CACNB2: variants seen among roughly 807,000 people sequenced by gnomAD.
The protein encoded by CACNB2 is calcium voltage-gated channel auxiliary subunit beta 2, also known as voltage-dependent L-type calcium channel subunit beta-2.
Under a neutral mutation model 73.3 loss-of-function variants are expected in CACNB2, and 42 were observed. The observed-to-expected ratio is 0.57, with a 90% CI of 0.45 to 0.74. The LOEUF (loss-of-function observed/expected upper bound fraction) is 0.74. Among genes scored for constraint, CACNB2 ranks in the 30% least tolerant of loss-of-function variants. The pLI is 0.00. For synonymous variants in CACNB2, 348 were observed against 310.3 expected (o/e 1.12, Z -1.28); for missense variants, 940 against 853.0 (o/e 1.10, Z -1.27).
chr10:18,317,369 T>C (rs1022253645), intron 2 of CACNB2, among the ~76,000 whole-genome samples: 1 of 152,124 alleles, frequency 6.6e-6, no homozygotes, highest in Non-Finnish European at 1.5e-5. Context: ...AAGAACCCAA[T>C]AGATGGTTTT....
intron 2 of CACNB2, among the ~76,000 whole-genome samples, chr10:18,240,427 T>C (rs1341122876): frequency 6.6e-6 from 1 of 152,166 alleles, no homozygotes; most frequent in Non-Finnish European, 1.5e-5. Context: ...GGCTCAACTG[T>C]ACAGTTTTAT....
At chr10:18,171,238 G>A (rs1449517230) in intron 2 of CACNB2, among the ~76,000 whole-genome samples, 2 of 152,166 alleles carry the variant, frequency 1.3e-5, no homozygotes, top group African/African-American at 4.8e-5. Flanking sequence ...CTCCAGCCAA[G>A]AAATGTAGGG....
intron 3 of CACNB2, among the ~76,000 whole-genome samples, chr10:18,430,475 A>T (rs2045834433): frequency 6.6e-6 from 1 of 152,066 alleles, no homozygotes; most frequent in Non-Finnish European, 1.5e-5. Flanking sequence ...AAAAAAAATT[A>T]ATTAATTAAC....
chr10:18,333,059 A>G (rs1057252430), intron 2 of CACNB2, among the ~76,000 whole-genome samples: 3 of 152,178 alleles, frequency 2.0e-5, no homozygotes, highest in African/African-American at 7.2e-5. Context: ...TTGAAGTGGC[A>G]GCTTTCATGA....
intron 2 of CACNB2, among the ~76,000 whole-genome samples, chr10:18,223,312 C>T (rs1056870226): frequency 6.6e-6 from 1 of 152,156 alleles, no homozygotes; most frequent in African/African-American, 2.4e-5. Flanking sequence ...AACTCCACAG[C>T]ACTGCAGAAG....
chr10:18,519,066 G>C (rs910252389), intron 9 of CACNB2, 98 bp downstream of exon 9: 7 of 946,392 alleles, frequency 7.4e-6, no homozygotes, highest in Admixed American at 3.4e-5. Context: ...ATGGCCCTCT[G>C]ATGTCTATAT....
At chr10:18,372,398 G>A (rs147985808) in intron 2 of CACNB2, among the ~76,000 whole-genome samples, 1 of 152,042 alleles carries the variant, frequency 6.6e-6, no homozygotes, top group Non-Finnish European at 1.5e-5. Flanking sequence ...TAAGGAAGGG[G>A]TCCAGTTTCA....
intron 3 of CACNB2, among the ~76,000 whole-genome samples, chr10:18,441,723 C>A (rs945314305): frequency 6.6e-6 from 1 of 152,158 alleles, no homozygotes; most frequent in Admixed American, 6.5e-5. Flanking sequence ...CAGCCTTGAT[C>A]TCCTGGGTTC....
chr10:18,407,918 C>G (rs1227665317), intron 3 of CACNB2, among the ~76,000 whole-genome samples: 3 of 151,942 alleles, frequency 2.0e-5, no homozygotes, highest in African/African-American at 4.8e-5. Context: ...GTTTATTAAG[C>G]TTCTTTAATA....
At chr10:18,513,063 A>G (rs555400725) in intron 6 of CACNB2, 1 of 155,670 alleles carries the variant, frequency 6.4e-6, no homozygotes, top group Admixed American at 6.6e-5. Context: ...GCTATAGTGG[A>G]TCACACCGGC....
intron 2 of CACNB2, among the ~76,000 whole-genome samples, chr10:18,170,959 G>A (rs1401504825): frequency 6.6e-6 from 1 of 152,134 alleles, no homozygotes; most frequent in Non-Finnish European, 1.5e-5. Flanking sequence ...TAATTCAATG[G>A]AAGAGAAGAT....
chr10:18,498,385 A>G lies in CACNB2; in HGVS notation c.364A>G (p.Asn122Asp). The G allele has an allele frequency of 6.2e-7, 1 of 1,614,158 alleles. No individual in the cohort carries two copies. Among genetic ancestry groups the G allele is most frequent in the Non-Finnish European group, 8.5e-7 (1 of 1,180,012 alleles). ...GCCCGTTGCATTTGCGGTTCGGACA[A>G]ATGTCAGCTACAGTGCGGCCCATGA... ...TKPVAFAVRT[N>D]VSYSAAHEDD... Residue 122 changes from asparagine to aspartate, a missense_variant, in exon 4 of 14, where the codon AAT becomes GAT. Coordinates refer to ENST00000324631, the MANE Select transcript of CACNB2 (RefSeq NM_201596.3).
At chr10:18,292,595 G>A (rs755023890) in intron 2 of CACNB2, among the ~76,000 whole-genome samples, 3 of 152,170 alleles carry the variant, frequency 2.0e-5, no homozygotes, top group South Asian at 2.1e-4. Context: ...GGTGGAGGTT[G>A]CAGTGAGCTG....
In CACNB2 at chr10:18,365,431, C is replaced by G. The variant is rs770540662; in HGVS notation, c.214-36493C>G. On this transcript the variant is annotated intron_variant, in intron 2 of 13. Transcript: ENST00000324631. The stretch of plus-strand genomic sequence containing the variant: ...TATTTACAAATAAAAGCGATTTGGA[C>G]TCTTACATTCAGTTTGCCTTCATGT... Among the ~76,000 whole-genome samples, 88 of 152,152 alleles carry G rather than the reference C, an allele frequency of 5.8e-4. 1 individual carries two copies. The highest frequency in any genetic ancestry group is 1.1e-3 in the Non-Finnish European group (75 of 68,022).
chr10:18,414,483 C>CTTTTTTTTTTTTTTTTTTTTTT (rs11384501), intron 3 of CACNB2, among the ~76,000 whole-genome samples: 1 of 132,178 alleles, frequency 7.6e-6, no homozygotes, highest in Admixed American at 7.6e-5. Flanking sequence ...TTACTACTAC[C>CTTTTTTTTTTTTTTTTTTTTTT]TTTTTTTTTT....
At chr10:18,458,998 C>T (rs867741092) in intron 3 of CACNB2, among the ~76,000 whole-genome samples, 2 of 152,124 alleles carry the variant, frequency 1.3e-5, no homozygotes, top group African/African-American at 2.4e-5. Context: ...CTCCTCACCT[C>T]AGGTCATCTC....
At chr10:18,421,602 G>C (rs901357914) in intron 3 of CACNB2, among the ~76,000 whole-genome samples, 2 of 152,054 alleles carry the variant, frequency 1.3e-5, no homozygotes, top group African/African-American at 4.8e-5. Flanking sequence ...GCCTGGCCCA[G>C]TATGGTATTT....
At chr10:18,271,544 A>C (rs571284997) in intron 2 of CACNB2, among the ~76,000 whole-genome samples, 3 of 152,360 alleles carry the variant, frequency 2.0e-5, no homozygotes, top group African/African-American at 7.2e-5. Context: ...TTTAATGGCT[A>C]TATGTATGGA....
intron 2 of CACNB2, among the ~76,000 whole-genome samples, chr10:18,295,647 A>G (rs1346288838): frequency 6.6e-6 from 1 of 152,246 alleles, no homozygotes; most frequent in Non-Finnish European, 1.5e-5. Context: ...GAAGCTGTAA[A>G]GAACATAAAT....
Sources: gnomAD v4.1 joint callset for allele counts (sites outside exome capture counted in the v4.1 genomes callset) on GRCh38, gnomAD v4.1.1 for gene constraint, MANE v1.5 for transcripts, NCBI Gene and HGNC (gene_info 2026-07-23, HGNC 2026-07-21) for gene names.